Variants in SLC39A12 observed in about 807,000 individuals in gnomAD.
SLC39A12 encodes zinc transporter ZIP12.
SLC39A12 carries 63 observed loss-of-function variants against 71.1 expected under a neutral mutation model. The ratio of observed to expected loss-of-function variants is 0.89; its 90% confidence interval spans 0.72 to 1.09. The LOEUF (loss-of-function observed/expected upper bound fraction) is 1.09, where lower values mean the gene tolerates loss of function less well. SLC39A12 is among the 50% of genes least tolerant of loss of function. The probability of loss-of-function intolerance (pLI) is 0.00; values close to 1 mark genes in which losing one functional copy is unlikely to be tolerated. For synonymous variants in SLC39A12, 351 were observed against 301.3 expected (o/e 1.16, Z -1.71); for missense variants, 892 against 812.6 (o/e 1.10, Z -1.19).
intron 3 of SLC39A12, among the ~76,000 whole-genome samples, chr10:17,962,738 C>A (rs947899150): frequency 1.5e-4 from 23 of 152,074 alleles, no homozygotes; most frequent in African/African-American, 4.8e-4. Flanking sequence ...TGTTTAATTT[C>A]TTTTATTGGC....
rs561283808 is a variant in SLC39A12 at position 18,032,978 on chromosome 10, C to T, written c.1948-9727C>T. Among the ~76,000 whole-genome samples, 8 of 150,546 alleles carry T rather than the reference C, an allele frequency of 5.3e-5. No homozygotes were observed. In the South Asian group the frequency reaches 1.5e-3, roughly 28 times the overall value. Reference sequence around the variant, plus strand: ...AATTGATTTGCGTATATTGAACCAGCCTTGCATCCCAGGGATGAAGCCGAC... The same window carrying T: ...AATTGATTTGCGTATATTGAACCAGTCTTGCATCCCAGGGATGAAGCCGAC... On this transcript the variant is annotated intron_variant, in intron 12 of 12. Transcript: ENST00000377369.
At chr10:18,000,930 T>C in intron 11 of SLC39A12, 105 bp downstream of exon 11, 1 of 1,066,816 alleles carries the variant, frequency 9.4e-7, no homozygotes, top group Non-Finnish European at 1.3e-6. Flanking sequence ...GACTTAAAGA[T>C]GAATACTTTC....
At chr10:18,027,434 C>A (rs970999582) in intron 12 of SLC39A12, among the ~76,000 whole-genome samples, 5 of 152,222 alleles carry the variant, frequency 3.3e-5, no homozygotes, top group African/African-American at 1.2e-4. Flanking sequence ...TTTTCCCTCT[C>A]CTCCTACCAG....
intron 10 of SLC39A12, among the ~76,000 whole-genome samples, chr10:17,996,763 C>T (rs2497757): frequency 0.24 from 36,984 of 151,822 alleles, 5,535 homozygotes; most frequent in Admixed American, 0.39. Context: ...TTTGGGAGGC[C>T]GAGGCGGGCA....
At chr10:17,967,432 G>A (rs769617376) in intron 4 of SLC39A12, among the ~76,000 whole-genome samples, 7 of 152,050 alleles carry the variant, frequency 4.6e-5, no homozygotes, top group Non-Finnish European at 7.4e-5. Flanking sequence ...CCTTACTAGC[G>A]TAATAATCCT....
intron 2 of SLC39A12, among the ~76,000 whole-genome samples, chr10:17,960,758 C>A (rs1357296786): frequency 6.6e-6 from 1 of 152,124 alleles, no homozygotes; most frequent in Non-Finnish European, 1.5e-5. Context: ...GCACTTGATT[C>A]GTGGCTCATC....
intron 12 of SLC39A12, among the ~76,000 whole-genome samples, chr10:18,024,908 A>G (rs960291482): frequency 6.6e-6 from 1 of 152,162 alleles, no homozygotes; most frequent in Admixed American, 6.5e-5. Context: ...CTCAGTCTGA[A>G]ATTTAAGATC....
rs1564642092 is a variant in SLC39A12 at position 17,971,298 on chromosome 10, T to TCCCC, written c.751+5608_751+5609insCCCC. 2.8e-4 allele frequency among the ~76,000 whole-genome samples: 15 copies of TCCCC among 53,440 alleles called. 1 individual carries two copies. Among genetic ancestry groups the TCCCC allele is most frequent in the African/African-American group, 1.0e-3 (14 of 13,508 alleles). The allele number at this position is 53,440 out of a possible 152,430, so 35.1% of individuals were successfully genotyped here. A position where few individuals can be genotyped will look rare whatever the true frequency, so the allele number is the denominator to read the frequency against. On this transcript the variant is annotated intron_variant, in intron 4 of 12. Transcript: ENST00000377369. ...TCCCCTCCCCTCCCCTCCCCTCCCC[T>TCCCC]TCCTTTCCTGATGTGTCTTTGGTTT...
intron 12 of SLC39A12, among the ~76,000 whole-genome samples, chr10:18,019,401 T>C (rs1461570896): frequency 1.3e-5 from 2 of 152,054 alleles, no homozygotes; most frequent in South Asian, 2.1e-4. Context: ...TGATTTCTGC[T>C]CTTTCATTAT....
At chr10:18,012,607 G>A (rs1361852738) in intron 12 of SLC39A12, among the ~76,000 whole-genome samples, 1 of 152,106 alleles carries the variant, frequency 6.6e-6, no homozygotes, top group Non-Finnish European at 1.5e-5. Flanking sequence ...GGTGGCTCGC[G>A]CCTGTAATCC....
At chr10:18,029,171 C>G (rs1836766869) in intron 12 of SLC39A12, among the ~76,000 whole-genome samples, 1 of 152,102 alleles carries the variant, frequency 6.6e-6, no homozygotes, top group Non-Finnish European at 1.5e-5. Flanking sequence ...GTGCCCAGCC[C>G]AAAACATTTT....
intron 12 of SLC39A12, among the ~76,000 whole-genome samples, chr10:18,027,116 C>A (rs1836700241): frequency 6.6e-6 from 1 of 152,110 alleles, no homozygotes; most frequent in Admixed American, 6.6e-5. Flanking sequence ...CAGAATTGTG[C>A]TAAATAGGCC....
At chr10:18,035,886 G>C (rs545859970) in intron 12 of SLC39A12, among the ~76,000 whole-genome samples, 11 of 152,150 alleles carry the variant, frequency 7.2e-5, no homozygotes, top group Non-Finnish European at 1.2e-4. Flanking sequence ...CTCAGCTGCA[G>C]GTCTGTTGGA....
At chr10:17,965,027 T>C (rs1351055288) in intron 3 of SLC39A12, among the ~76,000 whole-genome samples, 2 of 152,030 alleles carry the variant, frequency 1.3e-5, no homozygotes, top group Non-Finnish European at 1.5e-5. Flanking sequence ...GTCAACATGG[T>C]GAAACCCCAT....
intron 4 of SLC39A12, among the ~76,000 whole-genome samples, chr10:17,971,646 A>G (rs1834977923): frequency 6.6e-6 from 1 of 152,094 alleles, no homozygotes; most frequent in Non-Finnish European, 1.5e-5. Context: ...GTAGCCATTA[A>G]TGATCTTTTG....
intron 4 of SLC39A12, 41 bp from the exon 5 acceptor site, chr10:17,977,861 A>T (rs1835149142): frequency 6.8e-7 from 1 of 1,467,910 alleles, no homozygotes; most frequent in African/African-American, 1.4e-5. Context: ...TTCGGAACTT[A>T]TCTATTCTAT....
intron 5 of SLC39A12, among the ~76,000 whole-genome samples, chr10:17,979,515 A>G (rs993152070): frequency 1.3e-5 from 2 of 152,312 alleles, no homozygotes; most frequent in East Asian, 1.9e-4. Flanking sequence ...GTTTGTTGCC[A>G]GTGTCTCTTT....
chr10:17,987,816 G>C (rs1012962889), intron 7 of SLC39A12, among the ~76,000 whole-genome samples, 165 bp downstream of exon 7: 1 of 152,112 alleles, frequency 6.6e-6, no homozygotes, highest in Non-Finnish European at 1.5e-5. Context: ...CTCTGCACTT[G>C]TAGAAGAGAA....
rs1554848457 is a variant in SLC39A12 at position 17,961,876 on chromosome 10, AT to A, written c.543+16del. The A allele has an allele frequency of 2.5e-6, 4 of 1,605,998 alleles. No individual in the cohort carries two copies. In the South Asian group the frequency reaches 4.5e-5, roughly 18 times the overall value. ...TCTCAAAGCCAGGTAAGAAGGCAAAATTGCTAACTGGCTCTGCTGCTAAGAT... is the reference window on the plus strand; with the variant it reads ...TCTCAAAGCCAGGTAAGAAGGCAAAATGCTAACTGGCTCTGCTGCTAAGAT... On this transcript the variant is annotated intron_variant, in intron 3 of 12. Coordinates refer to ENST00000377369, the MANE Select transcript of SLC39A12 (RefSeq NM_001145195.2).
Sources: allele counts gnomAD v4.1 joint callset (sites outside exome capture counted in the v4.1 genomes callset), GRCh38; gene constraint gnomAD v4.1.1; transcripts MANE v1.5; gene names NCBI Gene and HGNC (gene_info 2026-07-23, HGNC 2026-07-21).